VKORC1: variants seen among roughly 807,000 people sequenced by gnomAD.
The protein encoded by VKORC1 is vitamin K epoxide reductase complex subunit 1.
In VKORC1, 12 loss-of-function variants were observed where a neutral mutation model predicts 14.8. That is an observed-to-expected ratio of 0.81 (90% CI 0.52 to 1.31). VKORC1 has a LOEUF of 1.31. Among genes scored for constraint, VKORC1 ranks in the 50% most tolerant of loss-of-function variants. VKORC1 has a pLI of 0.00. For missense variants in VKORC1, 223 were observed against 215.3 expected (o/e 1.04, Z -0.22); for synonymous variants, 94 against 92.5 (o/e 1.02, Z -0.09).
intron 2 of VKORC1, chr16:31,093,008 A>C (rs1171023020): frequency 4.5e-6 from 2 of 446,002 alleles, no homozygotes; most frequent in Non-Finnish European, 8.3e-6. Context: ...GCCAGTGCAC[A>C]CTAAGGGCAT....
In VKORC1 at chr16:31,091,141, C is replaced by T; in HGVS notation, c.485G>A (p.Arg162Lys). The change falls in exon 3 of 3, where the codon AGG becomes AAG. Residue 162 changes from arginine to lysine, a missense_variant. Coordinates refer to ENST00000394975, the MANE Select transcript of VKORC1 (RefSeq NM_024006.6). ...KVQEPQGKAKRH is the reference protein window; with the variant it reads ...KVQEPQGKAKKH Reference sequence around the variant, plus strand: ...CTGGCTTGGGTTGAGGGCTCAGTGCCTCTTAGCCTTGCCCTGGGGTTCTTG... The same window carrying T: ...CTGGCTTGGGTTGAGGGCTCAGTGCTTCTTAGCCTTGCCCTGGGGTTCTTG... 6.2e-7 allele frequency: 1 copy of T among 1,613,612 alleles called. No homozygotes were observed. Among genetic ancestry groups the T allele is most frequent in the Non-Finnish European group, 8.5e-7 (1 of 1,180,036 alleles).
At chr16:31,091,902 G>A (rs552815431) in intron 2 of VKORC1, among the ~76,000 whole-genome samples, 15 of 151,732 alleles carry the variant, frequency 9.9e-5, no homozygotes, top group East Asian at 3.9e-4. Flanking sequence ...AAAAATGCCC[G>A]GTGAGGTTGA....
Position 31,094,612 on chromosome 16 carries a change from G to A in VKORC1, c.118C>T (p.Arg40Cys). 4 of 1,607,406 alleles carry A rather than the reference G, an allele frequency of 2.5e-6. No individual in the cohort carries two copies. Among genetic ancestry groups the A allele is most frequent in the East Asian group, 2.2e-5 (1 of 44,670 alleles). The change falls in exon 1 of 3, where the codon CGC (arginine) becomes TGC (cysteine). Residue 40 changes from arginine to cysteine, a missense_variant. By Grantham distance (180) the Arg-to-Cys change is radical. Coordinates refer to ENST00000394975, the MANE Select transcript of VKORC1 (RefSeq NM_024006.6). ...KAARARDRDY[R>C]ALCDVGTAIS... ...GCGGTGCCCACGTCGCAGAGCGCGC[G>A]GTAATCCCGGTCCCGGGCGCGCGCC...
intron 2 of VKORC1, among the ~76,000 whole-genome samples, chr16:31,092,165 A>T (rs1251996047): frequency 3.1e-5 from 4 of 129,142 alleles, no homozygotes; most frequent in African/African-American, 1.1e-4. Context: ...TGACAGAGCG[A>T]GACTATGTCG....
chr16:31,091,578 C>T (rs768360135), intron 2 of VKORC1, among the ~76,000 whole-genome samples: 44 of 152,282 alleles, frequency 2.9e-4, no homozygotes, highest in Middle Eastern at 3.4e-3. Flanking sequence ...TAGAAAGACC[C>T]GATCTCTATC....
At chr16:31,093,879 C>A in intron 1 of VKORC1, 1 of 294,484 alleles carries the variant, frequency 3.4e-6, no homozygotes, top group Non-Finnish European at 6.4e-6. Flanking sequence ...ATTAATTTTT[C>A]TATTTTTGGT....
Position 31,092,710 on chromosome 16 carries a change from C to T in VKORC1, c.283+602G>A, listed in dbSNP as rs146643724. Reference sequence around the variant, plus strand: ...AATGAGACAAAAGATAGCTCATGCTCAGCTTCTCCTTAAAAAGGAATTTCG... The same window carrying T: ...AATGAGACAAAAGATAGCTCATGCTTAGCTTCTCCTTAAAAAGGAATTTCG... On this transcript the variant is annotated intron_variant, in intron 2 of 2. Coordinates refer to ENST00000394975, the MANE Select transcript of VKORC1 (RefSeq NM_024006.6). 49 of 1,261,620 alleles carry T rather than the reference C, an allele frequency of 3.9e-5. No individual in the cohort carries two copies. The African/African-American group carries it at 6.7e-4, about 17-fold the overall frequency. 78.2% of individuals were successfully genotyped at this position (1,261,620 alleles called of 1,614,324 possible).
intron 1 of VKORC1, 103 bp from the exon 2 acceptor site, chr16:31,093,524 C>G: frequency 1.3e-6 from 2 of 1,573,268 alleles, no homozygotes; most frequent in Non-Finnish European, 8.6e-7. Flanking sequence ...CCTGGGCTAT[C>G]CTCTGTTCCC....
chr16:31,093,592 A>G (rs2143908836), intron 1 of VKORC1, 171 bp from the exon 2 acceptor site: 1 of 1,499,128 alleles, frequency 6.7e-7, no homozygotes, highest in Non-Finnish European at 8.9e-7. Flanking sequence ...ACCTTTGGCC[A>G]CGTCAGGATT....
chr16:31,091,349 G>A lies in VKORC1; in HGVS notation c.284-7C>T, dbSNP rs753124110. 2 of 1,611,906 alleles carry A rather than the reference G, an allele frequency of 1.2e-6. No individual in the cohort carries two copies. The highest frequency in any genetic ancestry group is 1.7e-5 in the Admixed American group (1 of 59,594). Reference sequence around the variant, plus strand: ...CAGCGTGTCCGCAGGCAACCTGCAAGGCAGAAGAGGGTCCGGTGTGGGCTT... The same window carrying A: ...CAGCGTGTCCGCAGGCAACCTGCAAAGCAGAAGAGGGTCCGGTGTGGGCTT... On this transcript the variant is annotated splice_region_variant and splice_polypyrimidine_tract_variant and intron_variant, in intron 2 of 2. Transcript: ENST00000394975.
Position 31,094,598 on chromosome 16 carries a change from G to C in VKORC1, c.132C>G (p.Asp44Glu), listed in dbSNP as rs1205034556. The change falls in exon 1 of 3, where the codon GAC becomes GAG. Residue 44 changes from aspartate to glutamate, a missense_variant. Coordinates refer to ENST00000394975, the MANE Select transcript of VKORC1 (RefSeq NM_024006.6). ...GCGAACAGCTGATGGCGGTGCCCAC[G>C]TCGCAGAGCGCGCGGTAATCCCGGT... is the stretch of plus-strand genomic sequence containing the variant. ...ARDRDYRALC[D>E]VGTAISCSRV... 3 of 1,609,016 alleles carry C rather than the reference G, an allele frequency of 1.9e-6. No homozygotes were observed. Among genetic ancestry groups the C allele is most frequent in the African/African-American group, 1.3e-5 (1 of 74,878 alleles).
rs766549609 is a variant in VKORC1, at chr16:31,093,431, G to A, written c.174-10C>T. The stretch of plus-strand genomic sequence containing the variant: ...GAAACCCCTGCCCCACCTGGCAGAG[G>A]GGTGGGGTGGGGTGGAACCAGGTTA... On this transcript the variant is annotated splice_polypyrimidine_tract_variant and intron_variant, in intron 1 of 2. Transcript: ENST00000394975. 1.1e-4 allele frequency: 179 copies of A among 1,614,012 alleles called. No homozygotes were observed. The highest frequency in any genetic ancestry group is 1.4e-4 in the Non-Finnish European group (171 of 1,180,012).
chr16:31,093,678 T>A, intron 1 of VKORC1: 1 of 388,886 alleles, frequency 2.6e-6, no homozygotes, highest in East Asian at 5.4e-5. Flanking sequence ...CTGCTTTTCA[T>A]CTTAGACCTT....
Position 31,091,346 on chromosome 16 carries a change from C to T in VKORC1, c.284-4G>A. The T allele has an allele frequency of 6.2e-7, 1 of 1,612,602 alleles. No homozygotes were observed. ...GCCCAGCGTGTCCGCAGGCAACCTG[C>T]AAGGCAGAAGAGGGTCCGGTGTGGG... is the stretch of plus-strand genomic sequence containing the variant. On this transcript the variant is annotated splice_region_variant and splice_polypyrimidine_tract_variant and intron_variant, in intron 2 of 2. Transcript: ENST00000394975.
Position 31,091,016 on chromosome 16 carries a change from AG to A in VKORC1, c.*117del. On this transcript the variant is annotated 3_prime_UTR_variant, in exon 3 of 3. Coordinates refer to ENST00000394975, the MANE Select transcript of VKORC1 (RefSeq NM_024006.6). ...TGTCATGTGCGGGTATGGCAGGAGG[AG>A]GGGGTAATCTAGAAGCCCCACATCT... is the stretch of plus-strand genomic sequence containing the variant. The A allele has an allele frequency of 1.3e-6, 2 of 1,498,508 alleles. No individual in the cohort carries two copies. The allele number at this position is 1,498,508 out of a possible 1,614,324, so 92.8% of individuals were successfully genotyped here.
At position 31,091,012 on chromosome 16, in the gene VKORC1, G is replaced by A; in HGVS notation, c.*122C>T. Reference sequence around the variant, plus strand: ...CCATTGTCATGTGCGGGTATGGCAGGAGGAGGGGGTAATCTAGAAGCCCCA... The same window carrying A: ...CCATTGTCATGTGCGGGTATGGCAGAAGGAGGGGGTAATCTAGAAGCCCCA... On this transcript the variant is annotated 3_prime_UTR_variant, in exon 3 of 3. Coordinates refer to ENST00000394975, the MANE Select transcript of VKORC1 (RefSeq NM_024006.6). 1 of 1,492,408 alleles carries A rather than the reference G, an allele frequency of 6.7e-7. No individual in the cohort carries two copies. Among genetic ancestry groups the A allele is most frequent in the South Asian group, 1.2e-5 (1 of 81,706 alleles). 92.4% of individuals were successfully genotyped at this position (1,492,408 alleles called of 1,614,324 possible). A position where few individuals can be genotyped will look rare whatever the true frequency, so the allele number is the denominator to read the frequency against.
At chr16:31,093,679 C>A in intron 1 of VKORC1, 4 of 323,536 alleles carry the variant, frequency 1.2e-5, no homozygotes, top group East Asian at 6.4e-5. Context: ...TGCTTTTCAT[C>A]TTAGACCTTA....
At chr16:31,094,129 C>A in intron 1 of VKORC1, 3 of 1,523,602 alleles carry the variant, frequency 2.0e-6, no homozygotes, top group South Asian at 2.5e-5. Context: ...TGGCCACTCA[C>A]TCGCCTCCTC....
Position 31,091,017 on chromosome 16 carries a change from G to C in VKORC1, c.*117C>G. 5.3e-6 allele frequency: 8 copies of C among 1,505,430 alleles called. No homozygotes were observed. The highest frequency in any genetic ancestry group is 7.2e-6 in the Non-Finnish European group (8 of 1,113,934). The allele number at this position is 1,505,430 out of a possible 1,614,324, so 93.3% of individuals were successfully genotyped here. ...GTCATGTGCGGGTATGGCAGGAGGA[G>C]GGGGTAATCTAGAAGCCCCACATCT... On this transcript the variant is annotated 3_prime_UTR_variant, in exon 3 of 3. Transcript: ENST00000394975.
Sources: gnomAD v4.1 joint callset for allele counts (sites outside exome capture counted in the v4.1 genomes callset) on GRCh38, gnomAD v4.1.1 for gene constraint, MANE v1.5 for transcripts, NCBI Gene and HGNC (gene_info 2026-07-23, HGNC 2026-07-21) for gene names.